Variants in GSE1 observed in about 807,000 individuals in gnomAD.
GSE1 encodes the protein genetic suppressor element 1.
Under a neutral mutation model 112.6 loss-of-function variants are expected in GSE1, and 32 were observed. The observed-to-expected ratio is 0.28, with a 90% CI of 0.21 to 0.38. The LOEUF is 0.38. Among genes scored for constraint, GSE1 ranks in the 10% least tolerant of loss-of-function variants. The pLI is 1.00. For missense variants in GSE1, 2,348 were observed against 1,699.2 expected, an observed-to-expected ratio of 1.38 and a Z score of -6.71; for synonymous variants, 1,115 against 735.6, an observed-to-expected ratio of 1.52 and a Z score of -8.35.
intron 1 of GSE1, among the ~76,000 whole-genome samples, chr16:85,237,498 G>A (rs1051023122): frequency 4.6e-5 from 7 of 152,192 alleles, no homozygotes; most frequent in South Asian, 2.1e-4. Context: ...TTGACAGCAC[G>A]TGCTTGGGGT....
intron 13 of GSE1, 62 bp from the exon 14 acceptor site, chr16:85,668,078 C>T (rs2053024110): frequency 3.1e-6 from 4 of 1,309,148 alleles, no homozygotes; most frequent in Non-Finnish European, 4.2e-6. Flanking sequence ...GAGCTCCCTT[C>T]TGAGACAGCA....
chr16:85,435,882 G>A (rs953745483), intron 2 of GSE1, among the ~76,000 whole-genome samples: 3 of 152,128 alleles, frequency 2.0e-5, no homozygotes, highest in African/African-American at 7.2e-5. Context: ...TCCCCAGGCA[G>A]GAAGCTGAGG....
chr16:85,561,251 C>T (rs920494375), intron 1 of GSE1, among the ~76,000 whole-genome samples: 1 of 152,206 alleles, frequency 6.6e-6, no homozygotes, highest in African/African-American at 2.4e-5. Context: ...TCTTACCCCC[C>T]TTGACAGCCA....
At chr16:85,470,056 C>T (rs1194523487) in intron 2 of GSE1, among the ~76,000 whole-genome samples, 1 of 152,258 alleles carries the variant, frequency 6.6e-6, no homozygotes, top group Non-Finnish European at 1.5e-5. Context: ...GAGGCCCCTC[C>T]CTGGGATGTG....
chr16:85,382,556 A>C (rs1329379182), intron 2 of GSE1, among the ~76,000 whole-genome samples: 1 of 152,156 alleles, frequency 6.6e-6, no homozygotes, highest in Non-Finnish European at 1.5e-5. Context: ...CCTTGAAAGC[A>C]GGGGGTACCT....
chr16:85,629,820 G>T (rs1303711322), intron 1 of GSE1, among the ~76,000 whole-genome samples: 1 of 152,200 alleles, frequency 6.6e-6, no homozygotes, highest in Non-Finnish European at 1.5e-5. Flanking sequence ...ATGGATTGAG[G>T]GGGCGGCCTG....
intron 1 of GSE1, among the ~76,000 whole-genome samples, chr16:85,278,347 C>T (rs1909581383): frequency 6.6e-6 from 1 of 152,234 alleles, no homozygotes; most frequent in Non-Finnish European, 1.5e-5. Flanking sequence ...GCAGGGTGCT[C>T]TGAGCACCCT....
At chr16:85,546,505 A>G (rs2044707857) in intron 2 of GSE1, among the ~76,000 whole-genome samples, 1 of 152,258 alleles carries the variant, frequency 6.6e-6, no homozygotes, top group South Asian at 2.1e-4. Context: ...CATATAATGT[A>G]GGATTGGTGG....
rs560156301 is a variant in GSE1, at chr16:85,578,313, G to T, written c.37+21950G>T. Among the ~76,000 whole-genome samples the T allele has an allele frequency of 1.8e-3, 280 of 152,300 alleles. 4 individuals carry two copies. In the South Asian group the frequency reaches 0.028, roughly 15 times the overall value. ...TTTTCACCTGAATGCCATGGATAAC[G>T]GTGGCAGCCTGTCCCGAACGCCAGG... On this transcript the variant is annotated intron_variant, in intron 1 of 2. Coordinates refer to the GSE1 transcript ENST00000635906.
chr16:85,580,704 C>T (rs1285864311), intron 1 of GSE1, among the ~76,000 whole-genome samples: 1 of 152,206 alleles, frequency 6.6e-6, no homozygotes, highest in Non-Finnish European at 1.5e-5. Flanking sequence ...AATGGAGCCT[C>T]TAAGGAAATA....
intron 2 of GSE1, among the ~76,000 whole-genome samples, chr16:85,501,387 CTTTTTT>C (rs748089415): frequency 7.7e-6 from 1 of 129,518 alleles, no homozygotes; most frequent in African/African-American, 2.8e-5. Flanking sequence ...AGGACTTCAC[CTTTTTT>C]TTTTTTTTTT....
chr16:85,293,529 G>C (rs746517814), intron 1 of GSE1, among the ~76,000 whole-genome samples: 4 of 152,154 alleles, frequency 2.6e-5, no homozygotes, highest in Non-Finnish European at 5.9e-5. Context: ...CCAGGGGATA[G>C]AGTGAGTGAG....
intron 1 of GSE1, among the ~76,000 whole-genome samples, chr16:85,633,531 C>T (rs911394878): frequency 5.3e-5 from 8 of 152,184 alleles, no homozygotes; most frequent in African/African-American, 1.9e-4. Flanking sequence ...ATGCGGGCCG[C>T]ACGCCTCCTC....
At chr16:85,518,177 C>A (rs1444612150) in intron 2 of GSE1, among the ~76,000 whole-genome samples, 1 of 152,256 alleles carries the variant, frequency 6.6e-6, no homozygotes, top group African/African-American at 2.4e-5. Context: ...GACATCTGTG[C>A]CTGCAGGCCC....
intron 2 of GSE1, among the ~76,000 whole-genome samples, chr16:85,400,375 A>T (rs1209331176): frequency 6.8e-6 from 1 of 147,324 alleles, no homozygotes; most frequent in African/African-American, 2.5e-5. Flanking sequence ...GCTTTCGTGT[A>T]TGTCTGTATG....
intron 2 of GSE1, among the ~76,000 whole-genome samples, chr16:85,431,027 C>T (rs2049107593): frequency 6.6e-6 from 1 of 152,180 alleles, no homozygotes; most frequent in South Asian, 2.1e-4. Flanking sequence ...TTTTTTAAAG[C>T]TCCCCAAGTG....
intron 2 of GSE1, among the ~76,000 whole-genome samples, chr16:85,434,433 G>C (rs1232521755): frequency 1.3e-5 from 2 of 152,088 alleles, no homozygotes; most frequent in Non-Finnish European, 2.9e-5. Context: ...TCCAGTAAGG[G>C]AAGGACTGCT....
At chr16:85,239,085 G>A (rs1904961481) in intron 1 of GSE1, among the ~76,000 whole-genome samples, 1 of 151,948 alleles carries the variant, frequency 6.6e-6, no homozygotes, top group Admixed American at 6.6e-5. Flanking sequence ...CCGCCACCAC[G>A]CCCCCCTAAT....
chr16:85,250,753 A>G (rs1906381109), intron 1 of GSE1, among the ~76,000 whole-genome samples: 1 of 152,180 alleles, frequency 6.6e-6, no homozygotes, highest in South Asian at 2.1e-4. Context: ...TTGTGCAACC[A>G]TCACCACTAT....
Sources: allele counts gnomAD v4.1 joint callset (sites outside exome capture counted in the v4.1 genomes callset), GRCh38; gene constraint gnomAD v4.1.1; transcripts MANE v1.5; gene names NCBI Gene and HGNC (gene_info 2026-07-23, HGNC 2026-07-21).